APOB: variants seen among roughly 807,000 people sequenced by gnomAD.
The protein encoded by APOB is apolipoprotein B.
A neutral mutation model predicts 314.1 loss-of-function variants in APOB; 153 were observed. The ratio of observed to expected loss-of-function variants is 0.49; its 90% confidence interval spans 0.43 to 0.56. The LOEUF (loss-of-function observed/expected upper bound fraction) is 0.56, where lower values mean the gene tolerates loss of function less well. Among genes scored for constraint, APOB ranks in the 20% least tolerant of loss-of-function variants. The probability of loss-of-function intolerance (pLI) is 0.00; values close to 1 mark genes in which losing one functional copy is unlikely to be tolerated. For missense variants in APOB, 5,430 were observed against 5,350.7 expected (o/e 1.01, Z -0.46); for synonymous variants, 2,087 against 2,036.4 (o/e 1.02, Z -0.67).
chr2:21,007,866 A>C lies in APOB; in HGVS notation c.9002T>G (p.Val3001Gly). 6.2e-7 allele frequency: 1 copy of C among 1,614,076 alleles called. No individual in the cohort carries two copies. Among genetic ancestry groups the C allele is most frequent in the Non-Finnish European group, 8.5e-7 (1 of 1,179,962 alleles). Residue 3001 changes from valine to glycine, a missense_variant, in exon 26 of 29, where the codon GTT becomes GGT. Physicochemically the swap from Val to Gly is moderately radical, Grantham distance 109 (BLOSUM62 -3). Around this residue, in one of 3 missense-constraint regions of APOB, gnomAD observed 3,281 missense variants for 3,171.0 expected, o/e 1.03. Transcript: ENST00000233242. Reference sequence around the variant, plus strand: ...CAGTGCCATGCCTTTAGCAGTTAGAACACTGTGGCCCACATGCTGGGAATC... The same window carrying C: ...CAGTGCCATGCCTTTAGCAGTTAGACCACTGTGGCCCACATGCTGGGAATC... The part of the protein sequence containing the change: ...QVDSQHVGHS[V>G]LTAKGMALFG...
Position 21,002,288 on chromosome 2 carries a change from A to T in APOB, c.13134T>A (p.His4378Gln). The change falls in exon 29 of 29, where the codon CAT becomes CAA. Residue 4378 changes from histidine (H) to glutamine (Q), a missense_variant. His to Gln is a conservative substitution (Grantham distance 24, BLOSUM62 0). This residue lies in a region of APOB where 3,281 missense variants were observed against 3,171.0 expected (regional missense o/e 1.03). Coordinates refer to ENST00000233242, the MANE Select transcript of APOB (RefSeq NM_000384.3). ...QEASQELQQI[H>Q]QYIMALREEY... ...CTTCACGAAGGGCCATAATGTATTG[A>T]TGGATCTGCTGTAACTCTTGAGAAG... The T allele has an allele frequency of 6.2e-7, 1 of 1,613,980 alleles. No homozygotes were observed. Among genetic ancestry groups the T allele is most frequent in the Non-Finnish European group, 8.5e-7 (1 of 1,179,982 alleles).
chr2:21,043,794 G>T (rs1448486366), intron 1 of APOB, 70 bp downstream of exon 1: 9 of 1,523,536 alleles, frequency 5.9e-6, no homozygotes, highest in Non-Finnish European at 7.9e-6. Context: ...GGCCCAGGCT[G>T]CCCCGGCCAA....
At chr2:21,023,105 C>A in intron 17 of APOB, 63 bp from the exon 18 acceptor site, 1 of 1,427,018 alleles carries the variant, frequency 7.0e-7, no homozygotes, top group Non-Finnish European at 9.9e-7. Flanking sequence ...TCAGTCAGAT[C>A]AACCACCCTT....
Position 21,007,184 on chromosome 2 carries a change from A to G in APOB, c.9684T>C (p.Ile3228=). Residue 3228 remains isoleucine, a synonymous_variant, in exon 26 of 29, where the codon ATT becomes ATC. Transcript: ENST00000233242. ...FVTKSYNETK[I]KFDKYKAEKS... is the part of the protein sequence containing the mutation. The stretch of plus-strand genomic sequence containing the variant: ...TTTCAGCTTTGTACTTATCAAACTT[A>G]ATTTTTGTTTCATTATAGGATTTGG... 6.2e-7 allele frequency: 1 copy of G among 1,613,868 alleles called. No individual in the cohort carries two copies. The highest frequency in any genetic ancestry group is 2.2e-5 in the East Asian group (1 of 44,868).
chr2:21,007,029 A>C lies in APOB; in HGVS notation c.9839T>G (p.Met3280Arg). The C allele has an allele frequency of 6.2e-7, 1 of 1,614,088 alleles. No individual in the cohort carries two copies. Among genetic ancestry groups the C allele is most frequent in the African/African-American group, 1.3e-5 (1 of 75,046 alleles). Residue 3280 changes from methionine to arginine, a missense_variant, in exon 26 of 29, where the codon ATG (methionine) becomes AGG (arginine). By Grantham distance (91) the Met-to-Arg change is moderately conservative. Around this residue, in one of 3 missense-constraint regions of APOB, gnomAD observed 3,281 missense variants for 3,171.0 expected, o/e 1.03. Coordinates refer to ENST00000233242, the MANE Select transcript of APOB (RefSeq NM_000384.3). The part of the protein sequence containing the change: ...FGYVFPKAVS[M>R]PSFSILGSDV... Reference sequence around the variant, plus strand: ...AGAACCTAGGATGGAGAAACTAGGCATGCTGACTGCTTTTGGGAACACATA... The same window carrying C: ...AGAACCTAGGATGGAGAAACTAGGCCTGCTGACTGCTTTTGGGAACACATA...
chr2:21,042,316 G>A lies in APOB; in HGVS notation c.237+45C>T, dbSNP rs771690357. ...GGGCGCCCGCTGGAACAGGGCTGGGGGAAAGCTGTGGGCTCTAGGTCCCTC... is the reference window on the plus strand; with the variant it reads ...GGGCGCCCGCTGGAACAGGGCTGGGAGAAAGCTGTGGGCTCTAGGTCCCTC... On this transcript the variant is annotated intron_variant, in intron 3 of 28. Transcript: ENST00000233242. The A allele has an allele frequency of 2.0e-6, 3 of 1,496,762 alleles. No individual in the cohort carries two copies. The South Asian group carries it at 3.4e-5, about 17-fold the overall frequency. The allele number at this position is 1,496,762 out of a possible 1,614,324, so 92.7% of individuals were successfully genotyped here.
rs150468312 is a variant in APOB, at chr2:21,032,578, G to A, written c.1128C>T (p.Pro376=). ...ACTGAACCAAGGCTTGTAAAGTGAT[G>A]GGGCTGAGAAGAAAGACATGGATAA... is the stretch of plus-strand genomic sequence containing the variant. The part of the protein sequence containing the change: ...LLPQLIEVSS[P]ITLQALVQCG... Residue 376 remains proline, a synonymous_variant, in exon 10 of 29, where the codon CCC becomes CCT. Coordinates refer to ENST00000233242, the MANE Select transcript of APOB (RefSeq NM_000384.3). 4.3e-6 allele frequency: 7 copies of A among 1,613,260 alleles called. No homozygotes were observed. In the African/African-American group the frequency reaches 9.3e-5, roughly 22 times the overall value.
intron 5 of APOB, 76 bp from the exon 6 acceptor site, chr2:21,037,331 G>T (rs1664030088): frequency 6.9e-7 from 1 of 1,442,342 alleles, no homozygotes; most frequent in South Asian, 1.2e-5. Context: ...GATGGGGTGG[G>T]GATCGTGAAA....
chr2:21,023,513 A>G lies in APOB; in HGVS notation c.2604+12T>C. 1 of 1,614,064 alleles carries G rather than the reference A, an allele frequency of 6.2e-7. No homozygotes were observed. The highest frequency in any genetic ancestry group is 2.2e-5 in the East Asian group (1 of 44,878). On this transcript the variant is annotated intron_variant, in intron 17 of 28. Transcript: ENST00000233242. ...AATAACCTAAGAAATCAAAAGGCAA[A>G]CAGAATCTTACGTTGGCTACTTCCA...
At chr2:21,043,738 T>TC in intron 1 of APOB, 126 bp downstream of exon 1, 2 of 1,507,064 alleles carry the variant, frequency 1.3e-6, no homozygotes, top group Non-Finnish European at 1.8e-6. Flanking sequence ...GCTGGTCCAA[T>TC]CCCCCCACTC....
Position 21,009,607 on chromosome 2 carries a change from C to G in APOB, c.7261G>C (p.Asp2421His). The change falls in exon 26 of 29, where the codon GAC becomes CAC. Residue 2421 changes from aspartate to histidine, a missense_variant. Coordinates refer to ENST00000233242, the MANE Select transcript of APOB (RefSeq NM_000384.3). Reference sequence around the variant, plus strand: ...GACTTTAATTTCTTTATCAACATGTCAAGGAATTTGTTAACATCTTCAATG... The same window carrying G: ...GACTTTAATTTCTTTATCAACATGTGAAGGAATTTGTTAACATCTTCAATG... ...TFIEDVNKFL[D>H]MLIKKLKSFD... 1 of 1,613,814 alleles carries G rather than the reference C, an allele frequency of 6.2e-7. No individual in the cohort carries two copies. The highest frequency in any genetic ancestry group is 2.2e-5 in the East Asian group (1 of 44,878).
chr2:21,036,867 A>T (rs548773372), intron 6 of APOB, among the ~76,000 whole-genome samples: 22 of 152,122 alleles, frequency 1.4e-4, no homozygotes, highest in Non-Finnish European at 2.5e-4. Flanking sequence ...AGGAGGAAAG[A>T]CAGAGCTCTG....
chr2:21,009,926 A>T lies in APOB; in HGVS notation c.6942T>A (p.Leu2314=). 6.2e-7 allele frequency: 1 copy of T among 1,613,948 alleles called. No homozygotes were observed. The highest frequency in any genetic ancestry group is 8.5e-7 in the Non-Finnish European group (1 of 1,179,898). The change falls in exon 26 of 29, where the codon CTT becomes CTA. Residue 2314 remains leucine (L), a synonymous_variant. Coordinates refer to ENST00000233242, the MANE Select transcript of APOB (RefSeq NM_000384.3). ...TTATAACAAAGTGTTTGACATGCTC[A>T]AGAATGTCATTTATTCTTTCAAATG... ...TISFERINDI[L]EHVKHFVINL... is the part of the protein sequence containing the mutation.
In APOB at chr2:21,009,094, T is replaced by C; in HGVS notation, c.7774A>G (p.Thr2592Ala). The C allele has an allele frequency of 1.2e-6, 2 of 1,614,032 alleles. No homozygotes were observed. The highest frequency in any genetic ancestry group is 1.7e-6 in the Non-Finnish European group (2 of 1,179,940). The change falls in exon 26 of 29, where the codon ACC (threonine) becomes GCC (alanine). Residue 2592 changes from threonine to alanine, a missense_variant. This residue lies in a region of APOB where 3,281 missense variants were observed against 3,171.0 expected (regional missense o/e 1.03). Coordinates refer to ENST00000233242, the MANE Select transcript of APOB (RefSeq NM_000384.3). ...AAGGCAGGCATGGTCCCAAGGATGG[T>C]CTTGATTTCAGGAACAGTGAACCCT... is the stretch of plus-strand genomic sequence containing the variant. ...EQGFTVPEIK[T>A]ILGTMPAFEV...
At chr2:21,027,460 C>T (rs781636574) in intron 14 of APOB, among the ~76,000 whole-genome samples, 42 of 152,194 alleles carry the variant, frequency 2.8e-4, no homozygotes, top group Non-Finnish European at 5.0e-4. Context: ...ACTACAGGTG[C>T]CTGCCACCAC....
Position 21,022,134 on chromosome 2 carries a change from A to C in APOB, c.2816+697T>G, listed in dbSNP as rs868815113. ...CCACGACTGGCTAATTTTGTTATTT[A>C]TTTAATTTTTTTTGTAGAGATGGGG... On this transcript the variant is annotated intron_variant, in intron 18 of 28. Transcript: ENST00000233242. 5.3e-5 allele frequency among the ~76,000 whole-genome samples: 8 copies of C among 152,044 alleles called. No individual in the cohort carries two copies. The South Asian group carries it at 6.2e-4, about 12-fold the overall frequency.
rs769262870 is a variant in APOB, at chr2:21,038,063, G to A, written c.432C>T (p.Tyr144=). 17 of 1,614,022 alleles carry A rather than the reference G, an allele frequency of 1.1e-5. No homozygotes were observed. The East Asian group carries it at 3.3e-4, about 32-fold the overall frequency. ...TGTAAGTAGGTTCATCTTTCTCCGGGTAAAGGAAAACCTGCTTCCCTTCTG... is the reference window on the plus strand; with the variant it reads ...TGTAAGTAGGTTCATCTTTCTCCGGATAAAGGAAAACCTGCTTCCCTTCTG... ...AIPEGKQVFL[Y]PEKDEPTYIL... is the part of the protein sequence containing the mutation. The change falls in exon 5 of 29, where the codon TAC becomes TAT. Residue 144 remains tyrosine, a synonymous_variant. Transcript: ENST00000233242.
chr2:21,015,522 T>C lies in APOB; in HGVS notation c.3356A>G (p.Lys1119Arg). The change falls in exon 22 of 29, where the codon AAA becomes AGA. Residue 1119 changes from lysine to arginine, a missense_variant. This residue lies in a region of APOB where 2,085 missense variants were observed against 2,079.7 expected (regional missense o/e 1.00). Coordinates refer to ENST00000233242, the MANE Select transcript of APOB (RefSeq NM_000384.3). ...GGGTATGGAAATAACACCCTTGATT[T>C]TTCTTTCTTCCTTTGTGTCACAACT... The part of the protein sequence containing the change: ...HLSCDTKEER[K>R]IKGVISIPRL... The C allele has an allele frequency of 6.2e-7, 1 of 1,613,686 alleles. No homozygotes were observed. Among genetic ancestry groups the C allele is most frequent in the Non-Finnish European group, 8.5e-7 (1 of 1,180,040 alleles).
At chr2:21,025,455 C>CTTAG (rs1663706709) in intron 15 of APOB, among the ~76,000 whole-genome samples, 1 of 152,188 alleles carries the variant, frequency 6.6e-6, no homozygotes, top group African/African-American at 2.4e-5. Context: ...CCGTTCCCTG[C>CTTAG]TTAGCCTTCT....
Sources: gnomAD v4.1 joint callset for allele counts (sites outside exome capture counted in the v4.1 genomes callset) on GRCh38, gnomAD v4.1.1 for gene constraint, gnomAD v4.1.1 regional missense constraint, MANE v1.5 for transcripts, NCBI Gene and HGNC (gene_info 2026-07-23, HGNC 2026-07-21) for gene names.